Variants in NWD1 observed in about 807,000 individuals in gnomAD.
The protein encoded by NWD1 is NACHT and WD repeat domain containing 1.
In NWD1, 129 loss-of-function variants were observed where a neutral mutation model predicts 135.1. The observed-to-expected ratio is 0.96, with a 90% CI of 0.83 to 1.11. NWD1 has a LOEUF of 1.11. Among genes scored for constraint, NWD1 ranks in the 50% least tolerant of loss-of-function variants. The pLI is 0.00. For missense variants in NWD1, 1,740 were observed against 1,851.3 expected (o/e 0.94, Z 1.10); for synonymous variants, 773 against 786.0 (o/e 0.98, Z 0.28).
chr19:16,799,434 T>C (rs1228982171), intron 16 of NWD1, among the ~76,000 whole-genome samples: 2 of 152,000 alleles, frequency 1.3e-5, no homozygotes, highest in Non-Finnish European at 2.9e-5. Context: ...GACCTCATGA[T>C]CCACCCGCCT....
At chr19:16,764,208 A>C (rs766517809) in intron 9 of NWD1, among the ~76,000 whole-genome samples, 2 of 152,158 alleles carry the variant, frequency 1.3e-5, no homozygotes. Context: ...TACAGTGCAC[A>C]GGACACCCTA....
intron 14 of NWD1, among the ~76,000 whole-genome samples, chr19:16,793,381 A>G (rs969125271): frequency 1.3e-5 from 2 of 151,338 alleles, no homozygotes; most frequent in African/African-American, 2.4e-5. Context: ...CTACAGGCGC[A>G]TGCCCCCATG....
intron 6 of NWD1, among the ~76,000 whole-genome samples, chr19:16,750,840 A>C (rs1267987637): frequency 1.3e-5 from 2 of 152,182 alleles, no homozygotes; most frequent in African/African-American, 4.8e-5. Flanking sequence ...ATACCTCAAA[A>C]GCTGGGAAAA....
chr19:16,729,925 G>A (rs1317353724), intron 2 of NWD1, among the ~76,000 whole-genome samples: 1 of 150,020 alleles, frequency 6.7e-6, no homozygotes, highest in Non-Finnish European at 1.5e-5. Context: ...AAGGAAGGAA[G>A]GAAGGAAAGA....
chr19:16,776,908 C>A (rs536510994), intron 11 of NWD1, among the ~76,000 whole-genome samples: 10 of 135,396 alleles, frequency 7.4e-5, no homozygotes, highest in Non-Finnish European at 1.2e-4. Context: ...TGGCACTGCA[C>A]TCCAGCCTGG....
At chr19:16,799,367 T>C (rs752926820) in intron 16 of NWD1, among the ~76,000 whole-genome samples, 6 of 151,808 alleles carry the variant, frequency 4.0e-5, no homozygotes, top group Non-Finnish European at 4.4e-5. Context: ...GGCTGATTTT[T>C]GTATTTTTAG....
chr19:16,774,326 CTCCATCCA>C lies in NWD1; in HGVS notation c.2608+1019_2608+1026del, dbSNP rs112670267. ...AATTCATCTATCAAACCACTTTCCT[CTCCATCCA>C]TCCATCCATCCATCCTCCCACCCAT... On this transcript the variant is annotated intron_variant, in intron 11 of 18. Coordinates refer to ENST00000524140, the MANE Select transcript of NWD1 (RefSeq NM_001007525.5). 6.8e-5 allele frequency among the ~76,000 whole-genome samples: 10 copies of C among 146,840 alleles called. 1 individual carries two copies. The East Asian group carries it at 1.9e-3, about 28-fold the overall frequency.
intron 15 of NWD1, among the ~76,000 whole-genome samples, chr19:16,797,039 G>A (rs927988534): frequency 6.6e-6 from 1 of 151,906 alleles, no homozygotes. Context: ...ATTTAGCCAG[G>A]CATGGTGGTC....
At chr19:16,781,550 G>A (rs1430833173) in intron 12 of NWD1, among the ~76,000 whole-genome samples, 1 of 151,656 alleles carries the variant, frequency 6.6e-6, no homozygotes, top group South Asian at 2.1e-4. Context: ...CAGGAGATTG[G>A]GGCTACAGTG....
chr19:16,811,354 C>T (rs578109150), intron 18 of NWD1, among the ~76,000 whole-genome samples: 9 of 152,100 alleles, frequency 5.9e-5, no homozygotes, highest in East Asian at 1.9e-4. Context: ...GAGGCTGAGG[C>T]GGGTGGATCA....
chr19:16,792,797 AAC>A, intron 14 of NWD1, among the ~76,000 whole-genome samples: 1 of 151,812 alleles, frequency 6.6e-6, no homozygotes, highest in African/African-American at 2.4e-5. Flanking sequence ...GAATCACTTG[AAC>A]CCGGGAGGTG....
Position 16,763,902 on chromosome 19 carries a change from G to C in NWD1, c.2208G>C (p.Leu736=), listed in dbSNP as rs1458742796. 6.2e-7 allele frequency: 1 copy of C among 1,613,758 alleles called. No homozygotes were observed. The highest frequency in any genetic ancestry group is 8.5e-7 in the Non-Finnish European group (1 of 1,179,830). The part of the protein sequence containing the change: ...LRKLKELPYH[L]LHSGRLEELK... ...AGCTGAAGGAGTTGCCCTATCACCT[G>C]CTTCACTCGGGCCGCCTGGAGGAGC... Residue 736 remains leucine, a synonymous_variant, in exon 9 of 19, where the codon CTG becomes CTC. Coordinates refer to ENST00000524140, the MANE Select transcript of NWD1 (RefSeq NM_001007525.5).
chr19:16,808,379 G>A (rs954715030), intron 18 of NWD1, among the ~76,000 whole-genome samples: 3 of 151,482 alleles, frequency 2.0e-5, no homozygotes, highest in South Asian at 2.1e-4. Flanking sequence ...GTGAAACCCC[G>A]TCTCTACTAA....
intron 10 of NWD1, among the ~76,000 whole-genome samples, chr19:16,766,800 G>T (rs1969240042): frequency 6.6e-6 from 1 of 152,104 alleles, no homozygotes; most frequent in South Asian, 2.1e-4. Context: ...TTCACAGGCA[G>T]GTCTTGAACT....
chr19:16,808,375 C>A lies in NWD1; in HGVS notation c.4287+239C>A, dbSNP rs1970821827. Among the ~76,000 whole-genome samples, 3 of 151,840 alleles carry A rather than the reference C, an allele frequency of 2.0e-5. No homozygotes were observed. In the South Asian group the frequency reaches 6.2e-4, roughly 32 times the overall value. On this transcript the variant is annotated intron_variant, in intron 18 of 18. Transcript: ENST00000524140. ...GACCAGCCTGGCCAACATGGTGAAA[C>A]CCCGTCTCTACTAAAAATACAAAAA...
Position 16,797,871 on chromosome 19 carries a change from T to C in NWD1, c.3444T>C (p.Leu1148=), listed in dbSNP as rs766180608. ...TENNLIITGS[L]DALIQVWSLS... Reference sequence around the variant, plus strand: ...ACAACCTGATCATCACGGGGTCCCTTGATGCGCTCATTCAGGTGAGGGGAG... The same window carrying C: ...ACAACCTGATCATCACGGGGTCCCTCGATGCGCTCATTCAGGTGAGGGGAG... Residue 1148 remains leucine, a synonymous_variant, in exon 16 of 19, where the codon CTT becomes CTC. Coordinates refer to ENST00000524140, the MANE Select transcript of NWD1 (RefSeq NM_001007525.5). 7.4e-6 allele frequency: 12 copies of C among 1,613,884 alleles called. No individual in the cohort carries two copies. In the East Asian group the frequency reaches 2.5e-4, roughly 33 times the overall value.
At chr19:16,801,432 C>T (rs930698951) in intron 17 of NWD1, 3 of 152,238 alleles carry the variant, frequency 2.0e-5, no homozygotes, top group Non-Finnish European at 4.4e-5. Context: ...GAGTGAGACC[C>T]TGTCTCTAAA....
intron 1 of NWD1, chr19:16,721,382 C>T (rs2122648720): frequency 6.6e-6 from 1 of 152,242 alleles, no homozygotes; most frequent in Non-Finnish European, 1.5e-5. Context: ...TCTTATCCTC[C>T]TGCGATCATC....
intron 18 of NWD1, among the ~76,000 whole-genome samples, chr19:16,813,586 C>G (rs1049117371): frequency 6.6e-6 from 1 of 152,076 alleles, no homozygotes; most frequent in East Asian, 1.9e-4. Context: ...AAGTGATTCT[C>G]CTGCCTCAGC....
Sources: allele counts gnomAD v4.1 joint callset (sites outside exome capture counted in the v4.1 genomes callset), GRCh38; gene constraint gnomAD v4.1.1; transcripts MANE v1.5; gene names NCBI Gene and HGNC (gene_info 2026-07-23, HGNC 2026-07-21).